Variants in GPRC5B observed in about 807,000 individuals in gnomAD.
The protein encoded by GPRC5B is G protein-coupled receptor family C group 5 member B.
Under a neutral mutation model 30.1 loss-of-function variants are expected in GPRC5B, and 16 were observed. The ratio of observed to expected loss-of-function variants is 0.53; its 90% CI spans 0.36 to 0.81. The LOEUF (loss-of-function observed/expected upper bound fraction) is 0.81, where lower values mean the gene tolerates loss of function less well. GPRC5B is among the 30% of genes least tolerant of loss of function. GPRC5B has a pLI of 0.01. For missense variants in GPRC5B, 428 were observed against 544.7 expected, an observed-to-expected ratio of 0.79 and a Z score of 2.13; for synonymous variants, 241 against 239.5, an observed-to-expected ratio of 1.01 and a Z score of -0.06.
chr16:19,876,801 C>A (rs1048757303), intron 1 of GPRC5B, among the ~76,000 whole-genome samples: 3 of 152,350 alleles, frequency 2.0e-5, no homozygotes, highest in Admixed American at 2.0e-4. Flanking sequence ...TCTTCCGGGA[C>A]AGCTGTTGTT....
intron 2 of GPRC5B, among the ~76,000 whole-genome samples, chr16:19,863,963 G>A (rs542245406): frequency 6.6e-6 from 1 of 152,052 alleles, no homozygotes; most frequent in African/African-American, 2.4e-5. Context: ...TCCATGGAAA[G>A]ATTGTCCGTG....
intron 2 of GPRC5B, among the ~76,000 whole-genome samples, chr16:19,868,595 C>A (rs1172119086): frequency 6.6e-6 from 1 of 152,154 alleles, no homozygotes; most frequent in Non-Finnish European, 1.5e-5. Context: ...TGATCCCTAT[C>A]TTCTGGCATC....
rs904812546 is a variant in GPRC5B, at chr16:19,864,467, A to G, written c.1031-2494T>C. Among the ~76,000 whole-genome samples, 4 of 152,360 alleles carry G rather than the reference A, an allele frequency of 2.6e-5. No individual in the cohort carries two copies. The East Asian group carries it at 7.7e-4, about 29-fold the overall frequency. On this transcript the variant is annotated intron_variant, in intron 2 of 3. Transcript: ENST00000300571. ...ACCTTATGCCTTGTTGATACTTACT[A>G]ATAAGCAGCAGGTGGGTGAAGTTGT...
rs771004841 is a variant in GPRC5B at position 19,871,919 on chromosome 16, G to A, written c.927C>T (p.Asp309=). 2.5e-6 allele frequency: 4 copies of A among 1,614,022 alleles called. No individual in the cohort carries two copies. In the South Asian group the frequency reaches 3.3e-5, roughly 13 times the overall value. ...ALQENTPNYF[D]TSQPRMRETA... ...TCTCCCGCATCCTGGGCTGCGACGT[G>A]TCGAAGTAGTTGGGCGTGTTCTCCT... Residue 309 remains aspartate, a synonymous_variant, in exon 2 of 4, where the codon GAC becomes GAT. Coordinates refer to ENST00000300571, the MANE Select transcript of GPRC5B (RefSeq NM_016235.3).
intron 2 of GPRC5B, among the ~76,000 whole-genome samples, chr16:19,869,746 C>T (rs1428539102): frequency 2.0e-5 from 3 of 152,070 alleles, no homozygotes; most frequent in Non-Finnish European, 4.4e-5. Flanking sequence ...GATACTTATC[C>T]ACCCCAGTCA....
intron 1 of GPRC5B, among the ~76,000 whole-genome samples, chr16:19,877,949 A>T (rs1278278117): frequency 6.6e-6 from 1 of 152,188 alleles, no homozygotes; most frequent in African/African-American, 2.4e-5. Context: ...CTGTAATCCC[A>T]GCACTCTGGG....
intron 1 of GPRC5B, chr16:19,874,657 C>G (rs909515387): frequency 6.6e-6 from 1 of 152,252 alleles, no homozygotes; most frequent in Admixed American, 6.5e-5. Context: ...ACCGGTAGCA[C>G]GTCCCCTCCT....
intron 1 of GPRC5B, among the ~76,000 whole-genome samples, chr16:19,878,173 TG>T (rs2056774154): frequency 6.8e-6 from 1 of 147,510 alleles, no homozygotes; most frequent in Non-Finnish European, 1.5e-5. Flanking sequence ...CACTCTAGCC[TG>T]GGCAACAGAG....
chr16:19,863,246 C>A (rs979877383), intron 2 of GPRC5B, among the ~76,000 whole-genome samples: 15 of 151,716 alleles, frequency 9.9e-5, no homozygotes, highest in Non-Finnish European at 1.9e-4. Flanking sequence ...CAGCCTTGAA[C>A]TCCCAGGCTC....
At position 19,883,266 on chromosome 16, in the gene GPRC5B, G is replaced by A. The variant is rs553634966; in HGVS notation, c.-2+1461C>T. On this transcript the variant is annotated intron_variant, in intron 1 of 3. Coordinates refer to ENST00000300571, the MANE Select transcript of GPRC5B (RefSeq NM_016235.3). ...CAAAACTGCCTGTCTTGCTGCCTGT[G>A]CCCCCAAATGGCGGCTCCTTCCTCC... Among the ~76,000 whole-genome samples the A allele has an allele frequency of 2.1e-3, 325 of 151,906 alleles. 1 individual carries two copies. Among genetic ancestry groups the A allele is most frequent in the African/African-American group, 7.6e-3 (313 of 41,428 alleles).
rs2056587447 is a variant in GPRC5B, at chr16:19,858,194, AAG to A, written c.*2304_*2305del. 6.8e-6 allele frequency: 2 copies of A among 295,884 alleles called. No homozygotes were observed. The highest frequency in any genetic ancestry group is 2.2e-5 in the African/African-American group (1 of 46,376). The allele number at this position is 295,884 out of a possible 1,614,324, so 18.3% of individuals were successfully genotyped here. A position where few individuals can be genotyped will look rare whatever the true frequency, so the allele number is the denominator to read the frequency against. Reference sequence around the variant, plus strand: ...ACTTTTCAGGTGTAGTCATTAGAAAAAGAACAGCTCTCTCCCTTCTCCTCTCA... The same window carrying A: ...ACTTTTCAGGTGTAGTCATTAGAAAAAACAGCTCTCTCCCTTCTCCTCTCA... On this transcript the variant is annotated 3_prime_UTR_variant, in exon 4 of 4. Transcript: ENST00000300571.
chr16:19,885,249 G>A, upstream of GPRC5B: 1 of 1,287,926 alleles, frequency 7.8e-7, no homozygotes, highest in Non-Finnish European at 1.0e-6. This position sits in a 1 kb window ranked among gnomAD's most constrained non-coding sequence, Gnocchi z 5.3. Flanking sequence ...AAGCCTTCCT[G>A]CCCCCAGGCC....
At chr16:19,880,185 A>G (rs1042306074) in intron 1 of GPRC5B, among the ~76,000 whole-genome samples, 4 of 151,114 alleles carry the variant, frequency 2.6e-5, no homozygotes, top group Non-Finnish European at 5.9e-5. Flanking sequence ...AAATAAAATA[A>G]AAAAGATTGG....
intron 2 of GPRC5B, among the ~76,000 whole-genome samples, chr16:19,870,848 C>T (rs1256388355): frequency 6.6e-6 from 1 of 152,178 alleles, no homozygotes; most frequent in Non-Finnish European, 1.5e-5. Flanking sequence ...TTCCAGTGCA[C>T]ATGGGCTCAA....
intron 2 of GPRC5B, among the ~76,000 whole-genome samples, chr16:19,868,921 G>A (rs1034771644): frequency 6.6e-6 from 1 of 152,094 alleles, no homozygotes; most frequent in Admixed American, 6.5e-5. Flanking sequence ...TGAAGTCCTC[G>A]GACAAGTCAT....
intron 1 of GPRC5B, among the ~76,000 whole-genome samples, chr16:19,878,753 G>A (rs1338779731): frequency 6.6e-6 from 1 of 152,170 alleles, no homozygotes; most frequent in Non-Finnish European, 1.5e-5. Context: ...ATGGATAAAT[G>A]TGGTCTCCAA....
chr16:19,879,852 G>A (rs1597635292), intron 1 of GPRC5B, among the ~76,000 whole-genome samples: 1 of 152,142 alleles, frequency 6.6e-6, no homozygotes, highest in Non-Finnish European at 1.5e-5. Flanking sequence ...ACATAAAAAA[G>A]GCCAAGCGCC....
rs1382347780 is a variant in GPRC5B, at chr16:19,858,283, A to G, written c.*2217T>C. The G allele has an allele frequency of 2.4e-6, 1 of 411,740 alleles. No individual in the cohort carries two copies. The highest frequency in any genetic ancestry group is 2.0e-5 in the African/African-American group (1 of 48,934). 25.5% of individuals were successfully genotyped at this position (411,740 alleles called of 1,614,324 possible). A position where few individuals can be genotyped will look rare whatever the true frequency, so the allele number is the denominator to read the frequency against. On this transcript the variant is annotated 3_prime_UTR_variant, in exon 4 of 4. Coordinates refer to ENST00000300571, the MANE Select transcript of GPRC5B (RefSeq NM_016235.3). ...CACTCTCAACCTTAAAAGCCAAAATAAAACAAAACCCTAAGTGCGATAACA... is the reference window on the plus strand; with the variant it reads ...CACTCTCAACCTTAAAAGCCAAAATGAAACAAAACCCTAAGTGCGATAACA...
At chr16:19,879,498 G>T (rs2056786679) in intron 1 of GPRC5B, among the ~76,000 whole-genome samples, 1 of 149,124 alleles carries the variant, frequency 6.7e-6, no homozygotes, top group East Asian at 1.9e-4. Context: ...CAGCTAGCAG[G>T]TGGAGGAACA....
Sources: allele counts gnomAD v4.1 joint callset (sites outside exome capture counted in the v4.1 genomes callset), GRCh38; gene constraint gnomAD v4.1.1; non-coding constraint Gnocchi (gnomAD v3.1); transcripts MANE v1.5; gene names NCBI Gene and HGNC (gene_info 2026-07-23, HGNC 2026-07-21).